SETDB2: variants seen among roughly 807,000 people sequenced by gnomAD.
The protein encoded by SETDB2 is SET domain bifurcated histone lysine methyltransferase 2.
SETDB2 carries 56 observed loss-of-function variants against 82.5 expected under a neutral mutation model. The observed-to-expected ratio is 0.68, with a 90% CI of 0.55 to 0.85. The LOEUF (loss-of-function observed/expected upper bound fraction) is 0.85. SETDB2 is among the 40% of genes least tolerant of loss of function. The probability of loss-of-function intolerance (pLI) is 0.00; values close to 1 mark genes in which losing one functional copy is unlikely to be tolerated. For synonymous variants in SETDB2, 272 were observed against 284.9 expected, an observed-to-expected ratio of 0.95 and a Z score of 0.46; for missense variants, 677 against 816.4, an observed-to-expected ratio of 0.83 and a Z score of 2.08.
At position 49,492,872 on chromosome 13, in the gene SETDB2, A is replaced by G. The variant is rs1248398502; in HGVS notation, c.*1023A>G. The G allele has an allele frequency of 6.6e-6, 1 of 152,106 alleles. No homozygotes were observed. Among genetic ancestry groups the G allele is most frequent in the African/African-American group, 2.4e-5 (1 of 41,414 alleles). The allele number at this position is 152,106 out of a possible 1,614,324, so 9.4% of individuals were successfully genotyped here. A position where few individuals can be genotyped will look rare whatever the true frequency, so the allele number is the denominator to read the frequency against. On this transcript the variant is annotated 3_prime_UTR_variant, in exon 14 of 14. Transcript: ENST00000611815. ...TACTCAGGAGTGAGGTGGGAGGATCATTTGAGCTCAGAAGGTCAAGGCTGC... is the reference window on the plus strand; with the variant it reads ...TACTCAGGAGTGAGGTGGGAGGATCGTTTGAGCTCAGAAGGTCAAGGCTGC...
chr13:49,483,991 T>C (rs907769230), intron 10 of SETDB2, among the ~76,000 whole-genome samples: 2 of 119,768 alleles, frequency 1.7e-5, no homozygotes, highest in Non-Finnish European at 3.5e-5. Context: ...TGTGTTACTT[T>C]ATAGTGTGTA....
At chr13:49,477,469 A>G (rs1958390984) in intron 6 of SETDB2, among the ~76,000 whole-genome samples, 1 of 152,140 alleles carries the variant, frequency 6.6e-6, no homozygotes, top group African/African-American at 2.4e-5. Flanking sequence ...AGAGTCTACA[A>G]TGGGAAAATG....
chr13:49,460,280 C>A (rs2138856865), intron 3 of SETDB2, 48 bp downstream of exon 3: 2 of 1,572,782 alleles, frequency 1.3e-6, no homozygotes, highest in African/African-American at 1.4e-5. Context: ...AAATATTTCT[C>A]TCTGACAGTA....
intron 2 of SETDB2, among the ~76,000 whole-genome samples, chr13:49,452,255 G>A (rs898236460): frequency 1.3e-5 from 2 of 152,028 alleles, no homozygotes; most frequent in Non-Finnish European, 2.9e-5. Context: ...GGGATTACAG[G>A]CATGTGCCAC....
rs1957790389 is a variant in SETDB2, at chr13:49,451,788, G to T, written c.-106G>T. 2.4e-6 allele frequency: 2 copies of T among 820,512 alleles called. No individual in the cohort carries two copies. The highest frequency in any genetic ancestry group is 3.8e-6 in the Non-Finnish European group (2 of 522,046). The allele number at this position is 820,512 out of a possible 1,614,324, so 50.8% of individuals were successfully genotyped here. On this transcript the variant is annotated 5_prime_UTR_variant, in exon 2 of 14. Coordinates refer to ENST00000611815, the MANE Select transcript of SETDB2 (RefSeq NM_001160308.3). ...TAATGATGTATTTTGTCTGAGGACT[G>T]CAAATTTTATAGAGACCACAGTTGG...
chr13:49,481,186 C>T, intron 8 of SETDB2, 70 bp downstream of exon 8: 3 of 1,467,650 alleles, frequency 2.0e-6, no homozygotes, highest in Non-Finnish European at 2.8e-6. Context: ...ATTTTCCTAG[C>T]CAGGGCTGTT....
rs570351100 is a variant in SETDB2 at position 49,447,811 on chromosome 13, A to G, written c.-342+2954A>G. 1.6e-3 allele frequency among the ~76,000 whole-genome samples: 251 copies of G among 152,164 alleles called. 1 individual carries two copies. The highest frequency in any genetic ancestry group is 5.8e-3 in the African/African-American group (242 of 41,532). ...AGACCCAGTAGTGATTTGGGCCTTG[A>G]GTTTTTTTCTTGCATGTCAAGGTTA... On this transcript the variant is annotated intron_variant, in intron 1 of 13. Coordinates refer to ENST00000611815, the MANE Select transcript of SETDB2 (RefSeq NM_001160308.3).
intron 6 of SETDB2, among the ~76,000 whole-genome samples, chr13:49,478,466 C>A (rs1958416323): frequency 6.6e-6 from 1 of 152,104 alleles, no homozygotes; most frequent in Non-Finnish European, 1.5e-5. Context: ...GCACACAGGA[C>A]TAAACCCCAC....
intron 2 of SETDB2, among the ~76,000 whole-genome samples, chr13:49,453,303 C>CTT (rs199758121): frequency 7.0e-6 from 1 of 143,808 alleles, no homozygotes; most frequent in Non-Finnish European, 1.5e-5. Flanking sequence ...TCTTTTTTTT[C>CTT]TTTTTTTTTT....
chr13:49,480,232 T>C lies in SETDB2; in HGVS notation c.883T>C (p.Cys295Arg), dbSNP rs1427331277. 2 of 1,605,952 alleles carry C rather than the reference T, an allele frequency of 1.2e-6. No homozygotes were observed. The highest frequency in any genetic ancestry group is 1.3e-5 in the African/African-American group (1 of 74,552). The change falls in exon 7 of 14, where the codon TGT becomes CGT. Residue 295 changes from cysteine (C) to arginine (R), a missense_variant. Physicochemically the swap from Cys to Arg is radical, Grantham distance 180 (BLOSUM62 -3). Coordinates refer to ENST00000611815, the MANE Select transcript of SETDB2 (RefSeq NM_001160308.3). ...CCTGCCTTTTAGAACAAAATGTGCA[T>C]GTCTTCAACTGACAGCAAGGAATGC... The part of the protein sequence containing the change: ...EGCIDITKCA[C>R]LQLTARNAKT...
chr13:49,471,935 T>TATATATATATATATATATA (rs561242564), intron 5 of SETDB2, among the ~76,000 whole-genome samples: 34 of 99,732 alleles, frequency 3.4e-4, no homozygotes, highest in African/African-American at 1.5e-3. Context: ...TATATATATA[T>TATATATATATATATATATA]TTTTTTTTTT....
chr13:49,491,979 A>C lies in SETDB2; in HGVS notation c.*130A>C. ...TGTCATGGGGTTTATGTTTTATTTC[A>C]GATTTTATTTGTGTGACTTAGAAAT... is the stretch of plus-strand genomic sequence containing the variant. On this transcript the variant is annotated 3_prime_UTR_variant, in exon 14 of 14. Coordinates refer to ENST00000611815, the MANE Select transcript of SETDB2 (RefSeq NM_001160308.3). The C allele has an allele frequency of 1.3e-6, 1 of 743,288 alleles. No homozygotes were observed. The highest frequency in any genetic ancestry group is 1.4e-5 in the South Asian group (1 of 69,230). The allele number at this position is 743,288 out of a possible 1,614,324, so 46.0% of individuals were successfully genotyped here.
rs546892478 is a variant in SETDB2 at position 49,473,497 on chromosome 13, A to G, written c.306-2979A>G. Among the ~76,000 whole-genome samples the G allele has an allele frequency of 9.4e-5, 14 of 149,460 alleles. No homozygotes were observed. In the South Asian group the frequency reaches 1.3e-3, roughly 14 times the overall value. ...GCCCAGGAGGCAGATGTTGTGGGGA[A>G]CCAAGATTGCACCACTGCACTCCAG... On this transcript the variant is annotated intron_variant, in intron 5 of 13. Coordinates refer to ENST00000611815, the MANE Select transcript of SETDB2 (RefSeq NM_001160308.3).
chr13:49,464,465 G>T (rs1959147329), intron 4 of SETDB2, among the ~76,000 whole-genome samples: 1 of 152,088 alleles, frequency 6.6e-6, no homozygotes, highest in African/African-American at 2.4e-5. Flanking sequence ...AACCTCACTT[G>T]TTACCAAGAA....
intron 2 of SETDB2, 37 bp from the exon 3 acceptor site, chr13:49,460,070 T>C (rs1566158539): frequency 6.3e-7 from 1 of 1,583,250 alleles, no homozygotes; most frequent in African/African-American, 1.4e-5. Context: ...AGTATTTTTC[T>C]ATTAGCTCTT....
In SETDB2 at chr13:49,460,209, A is replaced by G. The variant is rs1459676726; in HGVS notation, c.119A>G (p.Lys40Arg). The G allele has an allele frequency of 6.2e-7, 1 of 1,612,998 alleles. No homozygotes were observed. Among genetic ancestry groups the G allele is most frequent in the South Asian group, 1.1e-5 (1 of 90,900 alleles). Residue 40 changes from lysine (K) to arginine (R), a missense_variant, in exon 3 of 14, where the codon AAA (lysine) becomes AGA (arginine). By Grantham distance (26) the Lys-to-Arg change is conservative. Around this residue, in one of 3 missense-constraint regions of SETDB2, gnomAD observed 243 missense variants for 237.2 expected, o/e 1.02. Coordinates refer to ENST00000611815, the MANE Select transcript of SETDB2 (RefSeq NM_001160308.3). ...NVLQSLKQKI[K>R]DGSATNKEYI... is the part of the protein sequence containing the mutation. ...CTGCAGTCACTGAAACAAAAGATCA[A>G]AGATGGGTCTGCCACCAATAAAGGT... is the stretch of plus-strand genomic sequence containing the variant.
chr13:49,463,737 G>C (rs1958045230), intron 4 of SETDB2, among the ~76,000 whole-genome samples: 1 of 152,142 alleles, frequency 6.6e-6, no homozygotes, highest in African/African-American at 2.4e-5. Flanking sequence ...CCACTGCTTA[G>C]ATAAAACAGA....
rs2138992929 is a variant in SETDB2 at position 49,488,488 on chromosome 13, G to C, written c.1775G>C (p.Cys592Ser). 2.5e-6 allele frequency: 4 copies of C among 1,614,124 alleles called. No individual in the cohort carries two copies. Among genetic ancestry groups the C allele is most frequent in the Non-Finnish European group, 3.4e-6 (4 of 1,179,994 alleles). The change falls in exon 12 of 14, where the codon TGT becomes TCT. Residue 592 changes from cysteine (C) to serine (S), a missense_variant. Transcript: ENST00000611815. The part of the protein sequence containing the change: ...QKPQEGRSTA[C>S]QRQQVFCDEE... ...CCCCAAGAGGGACGATCTACAGCAT[G>C]TCAAAGACAGCAGGTATTTTGTGAT... is the stretch of plus-strand genomic sequence containing the variant.
intron 5 of SETDB2, 133 bp from the exon 6 acceptor site, chr13:49,476,343 C>T (rs865890256): frequency 4.5e-6 from 3 of 672,536 alleles, no homozygotes; most frequent in African/African-American, 3.7e-5. Flanking sequence ...GGCTGTAGAA[C>T]ATCTTAAAAT....
Sources: gnomAD v4.1 joint callset for allele counts (sites outside exome capture counted in the v4.1 genomes callset) on GRCh38, gnomAD v4.1.1 for gene constraint, gnomAD v4.1.1 regional missense constraint, MANE v1.5 for transcripts, NCBI Gene and HGNC (gene_info 2026-07-23, HGNC 2026-07-21) for gene names.